The following MKLN1 variants were observed in gnomAD, a reference collection of about 807,000 sequenced individuals.
MKLN1 encodes the protein muskelin.
A neutral mutation model predicts 99.0 loss-of-function variants in MKLN1; 18 were observed. The ratio of observed to expected loss-of-function variants is 0.18; its 90% CI spans 0.13 to 0.27. The LOEUF (loss-of-function observed/expected upper bound fraction) is 0.27. Among genes scored for constraint, MKLN1 ranks in the 10% least tolerant of loss-of-function variants. The pLI is 1.00. For synonymous variants in MKLN1, 288 were observed against 293.2 expected, an observed-to-expected ratio of 0.98 and a Z score of 0.18; for missense variants, 621 against 875.9, an observed-to-expected ratio of 0.71 and a Z score of 3.67.
At chr7:131,234,396 C>T (rs1225332500) in intron 3 of MKLN1, among the ~76,000 whole-genome samples, 1 of 151,986 alleles carries the variant, frequency 6.6e-6, no homozygotes, top group Non-Finnish European at 1.5e-5. Flanking sequence ...GTGTGAATGT[C>T]CCCAAATATG....
chr7:131,423,542 T>G (rs1008178327), intron 8 of MKLN1, among the ~76,000 whole-genome samples: 3 of 152,108 alleles, frequency 2.0e-5, no homozygotes, highest in South Asian at 2.1e-4. Flanking sequence ...ATGTTGGTCA[T>G]GCTGGTCTCG....
In MKLN1 at chr7:131,414,761, G is replaced by A. The variant is rs376236248; in HGVS notation, c.847+51G>A. On this transcript the variant is annotated intron_variant, in intron 8 of 17. Transcript: ENST00000352689. Reference sequence around the variant, plus strand: ...AAAATCTTCATTGGCTACAGGCATCGTCTAAACCAGGCAGTGGCAGGTAAG... The same window carrying A: ...AAAATCTTCATTGGCTACAGGCATCATCTAAACCAGGCAGTGGCAGGTAAG... The A allele has an allele frequency of 3.5e-4, 293 of 840,624 alleles. 2 individuals are homozygous for A. In the African/African-American group the frequency reaches 5.3e-3, roughly 15 times the overall value. 52.1% of individuals were successfully genotyped at this position (840,624 alleles called of 1,614,324 possible).
intron 1 of MKLN1, among the ~76,000 whole-genome samples, chr7:131,329,944 C>T (rs1476996990): frequency 6.6e-6 from 1 of 152,176 alleles, no homozygotes; most frequent in Non-Finnish European, 1.5e-5. Context: ...ATCCTTATGA[C>T]ATTCTATTGA....
At chr7:131,296,351 A>G (rs10271120) in intron 3 of MKLN1, among the ~76,000 whole-genome samples, 24,770 of 152,218 alleles carry the variant, frequency 0.16, 2,087 homozygotes, top group Middle Eastern at 0.23. Flanking sequence ...TACTAAATGA[A>G]CAAAGCAAGG....
At chr7:131,264,250 C>T (rs181804948) in intron 3 of MKLN1, among the ~76,000 whole-genome samples, 62 of 152,182 alleles carry the variant, frequency 4.1e-4, no homozygotes, top group Non-Finnish European at 7.6e-4. Context: ...TTAAAATAGC[C>T]CTGCCCTCCA....
intron 3 of MKLN1, among the ~76,000 whole-genome samples, chr7:131,308,981 C>G (rs1447255492): frequency 6.6e-6 from 1 of 152,198 alleles, no homozygotes; most frequent in Non-Finnish European, 1.5e-5. Flanking sequence ...AACTGGGTCA[C>G]TAGAGCTGGT....
intron 1 of MKLN1, among the ~76,000 whole-genome samples, chr7:131,115,681 C>T (rs546900637): frequency 3.3e-5 from 5 of 152,264 alleles, no homozygotes; most frequent in Admixed American, 1.3e-4. Flanking sequence ...TCTCCCACCA[C>T]TCTCCACCAC....
intron 3 of MKLN1, among the ~76,000 whole-genome samples, chr7:131,311,406 T>G (rs1798561532): frequency 6.6e-6 from 1 of 152,190 alleles, no homozygotes; most frequent in South Asian, 2.1e-4. Flanking sequence ...TAATTATGAC[T>G]GATAACATAT....
chr7:131,407,985 A>G (rs1383293394), intron 6 of MKLN1, among the ~76,000 whole-genome samples: 1 of 152,118 alleles, frequency 6.6e-6, no homozygotes, highest in African/African-American at 2.4e-5. Flanking sequence ...CGTAAGTAAC[A>G]TACATCTGAG....
At chr7:131,127,142 G>A (rs1725936418) in intron 1 of MKLN1, among the ~76,000 whole-genome samples, 1 of 148,022 alleles carries the variant, frequency 6.8e-6, no homozygotes, top group Non-Finnish European at 1.5e-5. Context: ...TCTAACCTGG[G>A]TGACAAGAGC....
At chr7:131,443,862 C>T (rs1402557585) in intron 11 of MKLN1, among the ~76,000 whole-genome samples, 160 bp downstream of exon 11, 1 of 152,210 alleles carries the variant, frequency 6.6e-6, no homozygotes, top group East Asian at 1.9e-4. Flanking sequence ...TTATGAGACT[C>T]TTCCCATCAA....
intron 1 of MKLN1, among the ~76,000 whole-genome samples, chr7:131,110,554 C>G (rs994638430): frequency 1.6e-4 from 24 of 152,132 alleles, no homozygotes; most frequent in African/African-American, 5.6e-4. Flanking sequence ...ATTCCCAGAG[C>G]CTTGCTGCGC....
At chr7:131,352,407 A>C (rs1333411272) in intron 1 of MKLN1, among the ~76,000 whole-genome samples, 2 of 152,200 alleles carry the variant, frequency 1.3e-5, no homozygotes, top group East Asian at 3.8e-4. Flanking sequence ...AGATCCTTCT[A>C]GGTGATAGAG....
intron 1 of MKLN1, among the ~76,000 whole-genome samples, chr7:131,367,054 C>T (rs907764811): frequency 6.6e-6 from 1 of 152,068 alleles, no homozygotes; most frequent in Non-Finnish European, 1.5e-5. Context: ...AAAATTAAAA[C>T]TGTATCCCAT....
chr7:131,337,972 G>A (rs1317064049), intron 1 of MKLN1, among the ~76,000 whole-genome samples: 2 of 152,126 alleles, frequency 1.3e-5, no homozygotes, highest in African/African-American at 4.8e-5. Flanking sequence ...AGAGATCACT[G>A]CAACTGTCAA....
intron 14 of MKLN1, among the ~76,000 whole-genome samples, chr7:131,465,776 T>C (rs1380360677): frequency 6.6e-6 from 1 of 152,172 alleles, no homozygotes; most frequent in African/African-American, 2.4e-5. Flanking sequence ...CCTGACCTCA[T>C]GATCCGCCTG....
intron 1 of MKLN1, among the ~76,000 whole-genome samples, chr7:131,128,014 G>A (rs1795489135): frequency 6.6e-6 from 1 of 152,154 alleles, no homozygotes; most frequent in African/African-American, 2.4e-5. Context: ...GAGAGTTGGA[G>A]CTGTGGTCTG....
chr7:131,376,342 TAA>T (rs35692782), intron 2 of MKLN1, among the ~76,000 whole-genome samples: 92 of 131,458 alleles, frequency 7.0e-4, no homozygotes, highest in Middle Eastern at 3.9e-3. Flanking sequence ...TGATCTATGT[TAA>T]AAAAAAAAAA....
rs1797508379 is a variant in MKLN1 at position 131,494,628 on chromosome 7, A to T, written c.*6900A>T. On this transcript the variant is annotated 3_prime_UTR_variant, in exon 18 of 18. Transcript: ENST00000352689. ...GAAAAAAAAATTATTTTGGTGACTGATCAATTGTAAACAATTTTCTTCCTT... is the reference window on the plus strand; with the variant it reads ...GAAAAAAAAATTATTTTGGTGACTGTTCAATTGTAAACAATTTTCTTCCTT... 6.6e-6 allele frequency: 1 copy of T among 152,100 alleles called. No homozygotes were observed. Among genetic ancestry groups the T allele is most frequent in the South Asian group, 2.1e-4 (1 of 4,826 alleles). 9.4% of individuals were successfully genotyped at this position (152,100 alleles called of 1,614,324 possible). A position where few individuals can be genotyped will look rare whatever the true frequency, so the allele number is the denominator to read the frequency against.
Sources: allele counts gnomAD v4.1 joint callset (sites outside exome capture counted in the v4.1 genomes callset), GRCh38; gene constraint gnomAD v4.1.1; transcripts MANE v1.5; gene names NCBI Gene and HGNC (gene_info 2026-07-23, HGNC 2026-07-21).